TUSC3: variants seen among roughly 807,000 people sequenced by gnomAD.
TUSC3 encodes tumor suppressor candidate 3, also known as dolichyl-diphosphooligosaccharide--protein glycosyltransferase subunit TUSC3.
Under a neutral mutation model 44.8 loss-of-function variants are expected in TUSC3, and 45 were observed. That is an observed-to-expected ratio of 1.00 (90% CI 0.79 to 1.29). The LOEUF (loss-of-function observed/expected upper bound fraction) is 1.29, where lower values mean the gene tolerates loss of function less well. Among genes scored for constraint, TUSC3 ranks in the 50% most tolerant of loss-of-function variants. The pLI, the probability that TUSC3 is intolerant of heterozygous loss-of-function variation, is 0.00. For synonymous variants in TUSC3, 212 were observed against 152.9 expected, an observed-to-expected ratio of 1.39 and a Z score of -2.85; for missense variants, 519 against 437.9, an observed-to-expected ratio of 1.19 and a Z score of -1.65.
At chr8:15,623,281 TA>T (rs1805334454) in intron 2 of TUSC3, 32 bp downstream of exon 2, 5 of 1,541,794 alleles carry the variant, frequency 3.2e-6, no homozygotes, top group Middle Eastern at 2.0e-4. Context: ...TATTAAAAAC[TA>T]TTATTCTTGG....
At chr8:15,648,983 G>C (rs1806762875) in intron 2 of TUSC3, among the ~76,000 whole-genome samples, 1 of 151,928 alleles carries the variant, frequency 6.6e-6, no homozygotes. Context: ...TCTTCTGCCA[G>C]CATCCATGAA....
upstream of TUSC3, among the ~76,000 whole-genome samples, chr8:15,536,001 T>C (rs1585079490): frequency 6.6e-6 from 1 of 152,182 alleles, no homozygotes; most frequent in East Asian, 1.9e-4. Flanking sequence ...TTTGCAACTT[T>C]TTTAAAGCTC....
chr8:15,834,052 T>C, the TUSC3 span, among the ~76,000 whole-genome samples: 1 of 152,212 alleles, frequency 6.6e-6, no homozygotes, highest in East Asian at 1.9e-4. Flanking sequence ...AGTATCACAA[T>C]GAATTAGCTT....
chr8:15,583,833 G>GA (rs1441539556), intron 1 of TUSC3, among the ~76,000 whole-genome samples: 2 of 151,904 alleles, frequency 1.3e-5, no homozygotes, highest in African/African-American at 2.4e-5. Flanking sequence ...CCTAAAACCA[G>GA]AAAAAAACCA....
intron 9 of TUSC3, among the ~76,000 whole-genome samples, chr8:15,754,340 C>G (rs542404415): frequency 5.4e-5 from 8 of 148,496 alleles, no homozygotes; most frequent in Admixed American, 2.0e-4. Flanking sequence ...GAAATAAATA[C>G]ATTGAAGTAG....
At position 15,612,429 on chromosome 8, in the gene TUSC3, TA is replaced by T. The variant is rs539512367; in HGVS notation, c.139-10650del. On this transcript the variant is annotated intron_variant, in intron 1 of 10. Transcript: ENST00000503731. ...TTCACTTTGGAATGAACCATTGTAT[TA>T]CGTATTGTTTAATGCAATGTACTAT... 7.8e-4 allele frequency among the ~76,000 whole-genome samples: 119 copies of T among 152,334 alleles called. 1 individual carries two copies. Among genetic ancestry groups the T allele is most frequent in the Admixed American group, 1.1e-3 (17 of 15,300 alleles).
chr8:15,758,250 G>A (rs2129223314), intron 10 of TUSC3: 1 of 986,726 alleles, frequency 1.0e-6, no homozygotes, highest in Non-Finnish European at 1.2e-6. Context: ...TAATATTCAA[G>A]GGTAATAAAA....
intron 2 of TUSC3, 35 bp from the exon 3 acceptor site, chr8:15,650,662 G>T: frequency 2.5e-6 from 4 of 1,575,858 alleles, no homozygotes; most frequent in Non-Finnish European, 2.6e-6. Flanking sequence ...CTTCAGTACT[G>T]ATGTGTTTCT....
intron 6 of TUSC3, among the ~76,000 whole-genome samples, chr8:15,717,827 G>A (rs1349806408): frequency 6.6e-6 from 1 of 151,954 alleles, no homozygotes; most frequent in East Asian, 1.9e-4. Context: ...TTTATCCCTA[G>A]TTACAAAGGA....
chr8:15,701,025 T>C (rs1008171028), intron 6 of TUSC3, among the ~76,000 whole-genome samples: 18 of 151,960 alleles, frequency 1.2e-4, no homozygotes, highest in Admixed American at 1.1e-3. Flanking sequence ...TTATATGTGA[T>C]GTCCAGGGTG....
intron 7 of TUSC3, among the ~76,000 whole-genome samples, chr8:15,737,241 C>G (rs1277448919): frequency 6.6e-6 from 1 of 151,986 alleles, no homozygotes; most frequent in Non-Finnish European, 1.5e-5. Flanking sequence ...AGTAAGTCTT[C>G]TATAATGTGC....
intron 2 of TUSC3, among the ~76,000 whole-genome samples, chr8:15,498,360 T>C (rs1271494895): frequency 6.6e-6 from 1 of 151,944 alleles, no homozygotes; most frequent in Non-Finnish European, 1.5e-5. Context: ...AAGCTGAAAG[T>C]GAAAATAAGA....
At chr8:15,587,428 A>C (rs1369129969) in intron 1 of TUSC3, among the ~76,000 whole-genome samples, 12 of 152,124 alleles carry the variant, frequency 7.9e-5, no homozygotes, top group Non-Finnish European at 1.3e-4. Flanking sequence ...TCATATTTTT[A>C]AATCTTTTAG....
intron 2 of TUSC3, among the ~76,000 whole-genome samples, chr8:15,631,528 T>C (rs1487202180): frequency 6.6e-6 from 1 of 152,210 alleles, no homozygotes; most frequent in Admixed American, 6.5e-5. Context: ...AGTAATGTTT[T>C]GCCACTTTGC....
At chr8:15,543,269 G>C (rs1801750743) in intron 1 of TUSC3, among the ~76,000 whole-genome samples, 1 of 152,294 alleles carries the variant, frequency 6.6e-6, no homozygotes, top group South Asian at 2.1e-4. Context: ...TACCAGAGTA[G>C]TTGATTTAGC....
intron 2 of TUSC3, among the ~76,000 whole-genome samples, chr8:15,648,792 C>G (rs55713110): frequency 0.22 from 29,382 of 135,018 alleles, 3,555 homozygotes; most frequent in Non-Finnish European, 0.29. Flanking sequence ...ATCTTGTTAT[C>G]ACGTACCATA....
chr8:15,448,058 T>C (rs1287780970), intron 1 of TUSC3, among the ~76,000 whole-genome samples: 1 of 146,292 alleles, frequency 6.8e-6, no homozygotes, highest in East Asian at 2.0e-4. Flanking sequence ...AGCACAGATA[T>C]AAAGCATTCC....
the TUSC3 span, among the ~76,000 whole-genome samples, chr8:15,787,279 C>A: frequency 6.6e-6 from 1 of 152,052 alleles, no homozygotes; most frequent in Non-Finnish European, 1.5e-5. Context: ...CAGCATCATG[C>A]ACACTAATTA....
intron 1 of TUSC3, among the ~76,000 whole-genome samples, chr8:15,591,427 A>G (rs1436194795): frequency 1.3e-5 from 2 of 152,224 alleles, no homozygotes; most frequent in Non-Finnish European, 2.9e-5. Flanking sequence ...CTGTACCAAA[A>G]TATCTGTTGG....
Sources: allele counts gnomAD v4.1 joint callset (sites outside exome capture counted in the v4.1 genomes callset), GRCh38; gene constraint gnomAD v4.1.1; transcripts MANE v1.5; gene names NCBI Gene and HGNC (gene_info 2026-07-23, HGNC 2026-07-21).